RAB27B: variants seen among roughly 807,000 people sequenced by gnomAD.
RAB27B encodes RAB27B, member RAS oncogene family, also known as ras-related protein Rab-27B.
Under a neutral mutation model 24.6 loss-of-function variants are expected in RAB27B, and 15 were observed. The ratio of observed to expected loss-of-function variants is 0.61; its 90% CI spans 0.41 to 0.94. The LOEUF (loss-of-function observed/expected upper bound fraction) is 0.94. Among genes scored for constraint, RAB27B ranks in the 40% least tolerant of loss-of-function variants. The pLI, the probability that RAB27B is intolerant of heterozygous loss-of-function variation, is 0.00. For synonymous variants in RAB27B, 105 were observed against 92.5 expected, an observed-to-expected ratio of 1.14 and a Z score of -0.78; for missense variants, 261 against 266.8, an observed-to-expected ratio of 0.98 and a Z score of 0.15.
intron 1 of RAB27B, among the ~76,000 whole-genome samples, chr18:54,863,488 T>G (rs1300726127): frequency 6.6e-6 from 1 of 152,182 alleles, no homozygotes; most frequent in Non-Finnish European, 1.5e-5. Flanking sequence ...TCTTATCTTG[T>G]TGGGGTTTTT....
intron 2 of RAB27B, among the ~76,000 whole-genome samples, chr18:54,769,038 TC>T (rs1299673114): frequency 3.3e-5 from 5 of 151,896 alleles, no homozygotes; most frequent in Non-Finnish European, 7.4e-5. Flanking sequence ...TTCCCAAAAG[TC>T]CCCCAAAGTC....
intron 2 of RAB27B, among the ~76,000 whole-genome samples, chr18:54,751,742 A>C (rs1304280126): frequency 6.6e-6 from 1 of 152,180 alleles, no homozygotes; most frequent in African/African-American, 2.4e-5. Context: ...GATGTAAGAG[A>C]TATAGGGAAA....
intron 2 of RAB27B, among the ~76,000 whole-genome samples, chr18:54,811,953 C>T (rs567853895): frequency 6.6e-6 from 1 of 152,154 alleles, no homozygotes; most frequent in Non-Finnish European, 1.5e-5. Flanking sequence ...TTTACAGTAC[C>T]TGGTATTTTT....
intron 2 of RAB27B, chr18:54,744,811 G>T: frequency 5.1e-6 from 1 of 195,228 alleles, no homozygotes; most frequent in African/African-American, 2.3e-5. Context: ...TCTTGCAGCA[G>T]GAACTCACTT....
At chr18:54,746,634 TG>T (rs1158832995) in intron 2 of RAB27B, among the ~76,000 whole-genome samples, 1 of 152,208 alleles carries the variant, frequency 6.6e-6, no homozygotes, top group Non-Finnish European at 1.5e-5. Flanking sequence ...AAATCAGCTT[TG>T]ATGCAGATTC....
At chr18:54,731,603 C>G (rs1225587631) in intron 2 of RAB27B, among the ~76,000 whole-genome samples, 1 of 152,230 alleles carries the variant, frequency 6.6e-6, no homozygotes, top group Admixed American at 6.5e-5. Context: ...GCCTGTAATC[C>G]CAGCTACTCA....
intron 1 of RAB27B, among the ~76,000 whole-genome samples, chr18:54,837,642 AAAG>A (rs1393407431): frequency 6.6e-6 from 1 of 152,134 alleles, no homozygotes; most frequent in Non-Finnish European, 1.5e-5. Flanking sequence ...GAGGTCCTGG[AAAG>A]AAGGAGGTGG....
intron 2 of RAB27B, among the ~76,000 whole-genome samples, chr18:54,745,749 C>A: frequency 6.8e-6 from 1 of 146,186 alleles, no homozygotes; most frequent in Non-Finnish European, 1.5e-5. Context: ...GATATGTATT[C>A]ATAAATATTT....
Position 54,768,182 on chromosome 18 carries a change from C to T in RAB27B, c.-20+50041C>T, listed in dbSNP as rs545414895. Among the ~76,000 whole-genome samples the T allele has an allele frequency of 3.4e-4, 52 of 152,074 alleles. 1 individual carries two copies. Among genetic ancestry groups the T allele is most frequent in the African/African-American group, 1.3e-3 (52 of 41,482 alleles). On this transcript the variant is annotated intron_variant, in intron 2 of 4. Transcript: ENST00000586570. ...TTTATTAGGTAATTAAAGAGGGAAT[C>T]TTTTCAGATATAACAGCAAATCAAA... is the stretch of plus-strand genomic sequence containing the variant.
intron 2 of RAB27B, among the ~76,000 whole-genome samples, chr18:54,772,418 T>G (rs973605088): frequency 3.9e-5 from 6 of 152,234 alleles, no homozygotes; most frequent in Non-Finnish European, 1.5e-5. Context: ...CTGCCTCTTC[T>G]GGAGAAAAGA....
rs1913325099 is a variant in RAB27B, at chr18:54,890,488, A to G, written c.*1075A>G. On this transcript the variant is annotated 3_prime_UTR_variant, in exon 6 of 6. Coordinates refer to ENST00000262094, the MANE Select transcript of RAB27B (RefSeq NM_004163.4). ...TATTGCAGGTTTCCTTTTAGTTTAC[A>G]AAAGTACTGGAAACTAAATCATATT... The G allele has an allele frequency of 6.6e-6, 1 of 152,196 alleles. No homozygotes were observed. The highest frequency in any genetic ancestry group is 1.5e-5 in the Non-Finnish European group (1 of 68,008). The allele number at this position is 152,196 out of a possible 1,614,324, so 9.4% of individuals were successfully genotyped here.
chr18:54,761,246 T>C (rs1908179645), intron 2 of RAB27B, among the ~76,000 whole-genome samples: 2 of 152,164 alleles, frequency 1.3e-5, no homozygotes, highest in South Asian at 2.1e-4. Flanking sequence ...AAGTCTTTGC[T>C]TTCCTTTTAG....
intron 2 of RAB27B, among the ~76,000 whole-genome samples, chr18:54,807,168 G>A (rs1909817559): frequency 6.6e-6 from 1 of 152,138 alleles, no homozygotes; most frequent in South Asian, 2.1e-4. Flanking sequence ...CAAAGTGCTG[G>A]GATTACAGGC....
At chr18:54,796,425 G>A (rs982006092) in intron 2 of RAB27B, among the ~76,000 whole-genome samples, 11 of 152,298 alleles carry the variant, frequency 7.2e-5, no homozygotes, top group East Asian at 3.9e-4. Context: ...CAGAAAAATC[G>A]GATCACATGT....
chr18:54,760,400 G>A (rs1403416177), intron 2 of RAB27B, among the ~76,000 whole-genome samples: 1 of 152,180 alleles, frequency 6.6e-6, no homozygotes, highest in Non-Finnish European at 1.5e-5. Flanking sequence ...GGGAGGTGGG[G>A]ATGTAGCTTA....
intron 1 of RAB27B, among the ~76,000 whole-genome samples, chr18:54,866,356 C>T (rs942565059): frequency 1.3e-5 from 2 of 151,354 alleles, no homozygotes; most frequent in Admixed American, 1.3e-4. Context: ...AGTGCAATGG[C>T]GCTATATCTT....
chr18:54,857,389 C>A (rs1268153305), intron 1 of RAB27B, among the ~76,000 whole-genome samples: 2 of 152,160 alleles, frequency 1.3e-5, no homozygotes, highest in Admixed American at 1.3e-4. Context: ...TTTAGAGGTA[C>A]AGTAGCTTTT....
intron 1 of RAB27B, among the ~76,000 whole-genome samples, chr18:54,844,137 T>C (rs1221764672): frequency 6.6e-6 from 1 of 152,174 alleles, no homozygotes; most frequent in Non-Finnish European, 1.5e-5. Context: ...TTTCAATATA[T>C]CAATATCTTC....
intron 2 of RAB27B, among the ~76,000 whole-genome samples, chr18:54,769,257 AAATCCAATAGGGT>A (rs1371956584): frequency 6.6e-6 from 1 of 152,232 alleles, no homozygotes. Context: ...TGCAAGTCAG[AAATCCAATAGGGT>A]AATCCTTAAA....
Sources: gnomAD v4.1 joint callset for allele counts (sites outside exome capture counted in the v4.1 genomes callset) on GRCh38, gnomAD v4.1.1 for gene constraint, MANE v1.5 for transcripts, NCBI Gene and HGNC (gene_info 2026-07-23, HGNC 2026-07-21) for gene names.